Variants in PRKG1 observed in about 807,000 individuals in gnomAD.
PRKG1 encodes protein kinase cGMP-dependent 1, also known as cGMP-dependent protein kinase 1.
A neutral mutation model predicts 88.1 loss-of-function variants in PRKG1; 35 were observed. That is an observed-to-expected ratio of 0.40 (90% CI 0.30 to 0.53). PRKG1 has a LOEUF of 0.53. Ranked by LOEUF, PRKG1 falls within the 20% of genes least tolerant of loss-of-function variation. The pLI is 0.59. For missense variants in PRKG1, 540 were observed against 839.8 expected, an observed-to-expected ratio of 0.64 and a Z score of 4.41; for synonymous variants, 303 against 292.5, an observed-to-expected ratio of 1.04 and a Z score of -0.37.
intron 3 of PRKG1, among the ~76,000 whole-genome samples, chr10:51,644,931 G>C (rs1839881064): frequency 3.3e-5 from 5 of 152,098 alleles, no homozygotes; most frequent in Admixed American, 1.3e-4. Context: ...GGGATTACAG[G>C]CATATGCCAC....
intron 7 of PRKG1, among the ~76,000 whole-genome samples, chr10:52,063,933 T>C (rs1490511923): frequency 6.6e-6 from 1 of 152,210 alleles, no homozygotes. Flanking sequence ...GGGGCTTTTA[T>C]GGGCCTCAGA....
chr10:52,043,462 A>T (rs187882168), intron 5 of PRKG1, among the ~76,000 whole-genome samples: 375 of 152,226 alleles, frequency 2.5e-3, no homozygotes, highest in Non-Finnish European at 3.8e-3. Context: ...AGTCAAACAT[A>T]AAAAGCTACA....
At chr10:51,323,331 T>G (rs943006811) in intron 2 of PRKG1, among the ~76,000 whole-genome samples, 10 of 152,226 alleles carry the variant, frequency 6.6e-5, no homozygotes, top group African/African-American at 2.4e-4. Flanking sequence ...AGAAGTTGTT[T>G]TTGTTTCAAA....
chr10:52,031,770 A>G (rs1038699812), intron 5 of PRKG1, among the ~76,000 whole-genome samples: 5 of 152,218 alleles, frequency 3.3e-5, no homozygotes, highest in African/African-American at 1.2e-4. Context: ...AAAAGGTAGA[A>G]TGATAGAAGC....
chr10:51,552,670 CA>C (rs1170971960), intron 3 of PRKG1, among the ~76,000 whole-genome samples: 6 of 151,608 alleles, frequency 4.0e-5, no homozygotes, highest in African/African-American at 1.2e-4. Context: ...CATAAAATGA[CA>C]ATTTTCATTC....
At chr10:51,747,291 G>A (rs1156653406) in intron 3 of PRKG1, among the ~76,000 whole-genome samples, 1 of 152,126 alleles carries the variant, frequency 6.6e-6, no homozygotes, top group Non-Finnish European at 1.5e-5. Context: ...TTTTGCTAAG[G>A]AACAAGCTGT....
At chr10:52,163,860 A>G (rs1161611819) in intron 9 of PRKG1, among the ~76,000 whole-genome samples, 1 of 152,216 alleles carries the variant, frequency 6.6e-6, no homozygotes, top group African/African-American at 2.4e-5. Context: ...ACTTTGGAAG[A>G]AAATCAGTCA....
intron 1 of PRKG1, among the ~76,000 whole-genome samples, chr10:51,040,420 G>A (rs1042679208): frequency 1.5e-5 from 2 of 137,550 alleles, no homozygotes; most frequent in Non-Finnish European, 3.1e-5. Flanking sequence ...CCGGGCTCAA[G>A]CAATTATTCT....
chr10:51,281,628 C>A (rs1018276657), intron 2 of PRKG1, among the ~76,000 whole-genome samples: 1 of 152,154 alleles, frequency 6.6e-6, no homozygotes, highest in Admixed American at 6.5e-5. Context: ...CCTCTGGGGG[C>A]GGGGCATAGC....
chr10:51,722,435 ATATT>A (rs1221965449), intron 3 of PRKG1, among the ~76,000 whole-genome samples: 4 of 151,794 alleles, frequency 2.6e-5, no homozygotes, highest in Non-Finnish European at 4.4e-5. Flanking sequence ...CTGAATGATT[ATATT>A]TATTTATCAT....
chr10:51,966,360 G>A (rs1347645467), intron 5 of PRKG1, among the ~76,000 whole-genome samples: 1 of 151,966 alleles, frequency 6.6e-6, no homozygotes, highest in African/African-American at 2.4e-5. Flanking sequence ...GTGGCCTGTG[G>A]AACACTTTCT....
intron 5 of PRKG1, among the ~76,000 whole-genome samples, chr10:51,943,377 T>C (rs1368613266): frequency 2.6e-5 from 4 of 151,974 alleles, no homozygotes; most frequent in Non-Finnish European, 5.9e-5. Flanking sequence ...GTTTTCTAGA[T>C]ATACAATCAT....
chr10:51,979,780 A>T (rs1468665044), intron 5 of PRKG1, among the ~76,000 whole-genome samples: 1 of 151,934 alleles, frequency 6.6e-6, no homozygotes. Context: ...GTGCATGTGC[A>T]CAAAAGTGTT....
chr10:51,877,165 G>C (rs2132870855), intron 4 of PRKG1, among the ~76,000 whole-genome samples: 1 of 152,146 alleles, frequency 6.6e-6, no homozygotes, highest in Admixed American at 6.5e-5. Flanking sequence ...TTGAATTCCT[G>C]AGCTCAAGCA....
At chr10:52,270,531 T>C (rs1289522569) in intron 10 of PRKG1, among the ~76,000 whole-genome samples, 2 of 152,036 alleles carry the variant, frequency 1.3e-5, no homozygotes, top group Non-Finnish European at 2.9e-5. Context: ...CATGGAATAC[T>C]ATGCAGCCAT....
chr10:51,824,844 A>C (rs1442415126), intron 4 of PRKG1, among the ~76,000 whole-genome samples: 2 of 151,934 alleles, frequency 1.3e-5, no homozygotes, highest in African/African-American at 4.8e-5. Context: ...TTCATGAGGG[A>C]TTCACCCCCA....
chr10:51,340,201 T>C (rs988074550), intron 2 of PRKG1, among the ~76,000 whole-genome samples: 5 of 152,158 alleles, frequency 3.3e-5, no homozygotes, highest in African/African-American at 1.2e-4. Context: ...CATTTTTATG[T>C]ATTAAGAAAT....
intron 2 of PRKG1, among the ~76,000 whole-genome samples, chr10:51,216,605 A>G (rs1838378000): frequency 6.6e-6 from 1 of 152,222 alleles, no homozygotes; most frequent in Non-Finnish European, 1.5e-5. Context: ...CTGGCACTAT[A>G]TAACTTTTCT....
chr10:51,416,916 A>G (rs1285511132), intron 2 of PRKG1, among the ~76,000 whole-genome samples: 1 of 152,180 alleles, frequency 6.6e-6, no homozygotes, highest in Non-Finnish European at 1.5e-5. Flanking sequence ...AAATTCCGAA[A>G]AGATAGTTCT....
Sources: gnomAD v4.1 joint callset for allele counts (sites outside exome capture counted in the v4.1 genomes callset) on GRCh38, gnomAD v4.1.1 for gene constraint, MANE v1.5 for transcripts, NCBI Gene and HGNC (gene_info 2026-07-23, HGNC 2026-07-21) for gene names.